The following ZNF536 variants were observed in gnomAD, a reference collection of about 807,000 sequenced individuals.
ZNF536 encodes zinc finger protein 536.
A neutral mutation model predicts 84.5 loss-of-function variants in ZNF536; 13 were observed. That is an observed-to-expected ratio of 0.15 (90% CI 0.10 to 0.24). The LOEUF is 0.24. ZNF536 is among the 10% of genes least tolerant of loss of function. ZNF536 has a pLI of 1.00. For synonymous variants in ZNF536, 811 were observed against 742.5 expected (o/e 1.09, Z -1.50); for missense variants, 1,536 against 1,747.5 (o/e 0.88, Z 2.16).
chr19:30,494,200 ACAGACAGACAAGG>A (rs1360609869), intron 2 of ZNF536, among the ~76,000 whole-genome samples: 5 of 152,200 alleles, frequency 3.3e-5, no homozygotes, highest in African/African-American at 1.2e-4. Flanking sequence ...GGAAATCTGC[ACAGACAGACAAGG>A]CAGACAGAGA....
At chr19:30,491,650 A>G (rs1389299441) in intron 2 of ZNF536, among the ~76,000 whole-genome samples, 1 of 152,170 alleles carries the variant, frequency 6.6e-6, no homozygotes, top group Non-Finnish European at 1.5e-5. Context: ...CCTGAATAGC[A>G]TGGAGACCTG....
At chr19:30,559,256 G>C (rs2046072233), downstream of ZNF536, among the ~76,000 whole-genome samples, 1 of 152,194 alleles carries the variant, frequency 6.6e-6, no homozygotes, top group African/African-American at 2.4e-5. Context: ...CACATACCAT[G>C]GGTTCCTTTG....
chr19:30,363,511 G>A (rs1232888590), intron 3 of ZNF536, among the ~76,000 whole-genome samples: 2 of 151,962 alleles, frequency 1.3e-5, no homozygotes, highest in Non-Finnish European at 2.9e-5. Context: ...TACTCTACCC[G>A]GAACCACCAT....
In ZNF536 at chr19:30,451,770, C is replaced by T. The variant is rs181918834; in HGVS notation, c.2170+6038C>T. ...GGACACCGCTGTTGCCTGGGCTGCC[C>T]TTCTGTTTCCAACACTCCTGCCCAC... is the stretch of plus-strand genomic sequence containing the variant. On this transcript the variant is annotated intron_variant, in intron 2 of 4. Coordinates refer to ENST00000355537, the MANE Select transcript of ZNF536 (RefSeq NM_014717.3). Among the ~76,000 whole-genome samples, 193 of 152,322 alleles carry T rather than the reference C, an allele frequency of 1.3e-3. 2 individuals carry two copies. The highest frequency in any genetic ancestry group is 4.6e-3 in the African/African-American group (191 of 41,570).
intron 1 of ZNF536, among the ~76,000 whole-genome samples, chr19:30,699,538 AT>A (rs773241816): frequency 2.6e-5 from 4 of 152,162 alleles, no homozygotes; most frequent in Admixed American, 1.3e-4. Context: ...ATGGATGAAT[AT>A]TTTTTTAAAA....
chr19:30,244,705 A>G (rs984067645), intron 1 of ZNF536, among the ~76,000 whole-genome samples: 3 of 152,130 alleles, frequency 2.0e-5, no homozygotes, highest in African/African-American at 4.8e-5. Flanking sequence ...CACCCTCTGG[A>G]TGCTTCTCCC....
chr19:30,383,948 C>A (rs1376913526), intron 1 of ZNF536, among the ~76,000 whole-genome samples: 1 of 80,656 alleles, frequency 1.2e-5, no homozygotes, highest in Admixed American at 1.4e-4. Context: ...CCCTCCCCTC[C>A]CCTCCCCTCC....
intron 2 of ZNF536, among the ~76,000 whole-genome samples, chr19:30,528,666 G>A (rs370488180): frequency 8.5e-5 from 13 of 152,124 alleles, no homozygotes; most frequent in East Asian, 1.9e-4. Context: ...CAACCTTTGC[G>A]TTGCAAGGTC....
chr19:30,331,090 T>C (rs2047195634), intron 2 of ZNF536, among the ~76,000 whole-genome samples: 1 of 151,912 alleles, frequency 6.6e-6, no homozygotes, highest in Non-Finnish European at 1.5e-5. Flanking sequence ...AAGGTCAGTC[T>C]GGGCAACATA....
At chr19:30,474,539 C>G (rs900658707) in intron 2 of ZNF536, among the ~76,000 whole-genome samples, 1 of 152,152 alleles carries the variant, frequency 6.6e-6, no homozygotes, top group African/African-American at 2.4e-5. Flanking sequence ...TGAACTCCCC[C>G]AACCCCTCCC....
At chr19:30,703,960 A>C (rs2052109642) in intron 1 of ZNF536, among the ~76,000 whole-genome samples, 1 of 152,178 alleles carries the variant, frequency 6.6e-6, no homozygotes, top group Non-Finnish European at 1.5e-5. Context: ...AGCCTTACAA[A>C]AGAGGGAAGC....
intron 1 of ZNF536, among the ~76,000 whole-genome samples, chr19:30,681,890 G>A (rs2050986328): frequency 2.0e-5 from 3 of 152,168 alleles, no homozygotes; most frequent in Admixed American, 6.5e-5. Flanking sequence ...CCCAGCCAAC[G>A]TGGGCTCCAA....
chr19:30,451,784 ACT>A (rs1390197829), intron 2 of ZNF536, among the ~76,000 whole-genome samples: 1 of 151,684 alleles, frequency 6.6e-6, no homozygotes, highest in Non-Finnish European at 1.5e-5. Context: ...TGTTTCCAAC[ACT>A]CCTGCCCACG....
intron 1 of ZNF536, among the ~76,000 whole-genome samples, chr19:30,434,336 C>A (rs2051612665): frequency 6.6e-6 from 1 of 152,202 alleles, no homozygotes; most frequent in South Asian, 2.1e-4. Flanking sequence ...CCATGTCTGC[C>A]CCACTTGATT....
At position 30,549,513 on chromosome 19, in the gene ZNF536, T is replaced by C; in HGVS notation, c.3894T>C (p.Cys1298=). 1.5e-5 allele frequency: 22 copies of C among 1,507,864 alleles called. No homozygotes were observed. Among genetic ancestry groups the C allele is most frequent in the Non-Finnish European group, 1.9e-5 (21 of 1,128,652 alleles). 93.4% of individuals were successfully genotyped at this position (1,507,864 alleles called of 1,614,324 possible). A position where few individuals can be genotyped will look rare whatever the true frequency, so the allele number is the denominator to read the frequency against. Residue 1298 remains cysteine (C), a splice_region_variant and synonymous_variant, in exon 4 of 5, where the codon TGT becomes TGC. Transcript: ENST00000355537. The part of the protein sequence containing the change: ...NSGCIKRPDL[C]GK ...GATGTATCAAGAGGCCAGACTTGTGTGGTAAGTTTTAGAATCCTCTTCCTA... is the reference window on the plus strand; with the variant it reads ...GATGTATCAAGAGGCCAGACTTGTGCGGTAAGTTTTAGAATCCTCTTCCTA...
At chr19:30,483,742 A>T (rs2054182735) in intron 2 of ZNF536, among the ~76,000 whole-genome samples, 2 of 151,956 alleles carry the variant, frequency 1.3e-5, no homozygotes, top group South Asian at 4.2e-4. Context: ...CTAAAAGCCA[A>T]CCTGATCATG....
At chr19:30,475,552 C>T (rs2053810635) in intron 2 of ZNF536, among the ~76,000 whole-genome samples, 1 of 152,174 alleles carries the variant, frequency 6.6e-6, no homozygotes, top group Non-Finnish European at 1.5e-5. Context: ...TTAAGTTATT[C>T]CCTCCCCTTT....
intron 1 of ZNF536, among the ~76,000 whole-genome samples, chr19:30,613,037 T>G (rs917139209): frequency 1.3e-5 from 2 of 152,226 alleles, no homozygotes; most frequent in African/African-American, 4.8e-5. Context: ...GTTTGGATAT[T>G]TGCCTGCTAT....
chr19:30,392,270 C>A (rs1222160500), intron 1 of ZNF536, among the ~76,000 whole-genome samples: 1 of 152,112 alleles, frequency 6.6e-6, no homozygotes, highest in African/African-American at 2.4e-5. Context: ...CCACAGATCC[C>A]CTGGGGCGAG....
Sources: gnomAD v4.1 joint callset for allele counts (sites outside exome capture counted in the v4.1 genomes callset) on GRCh38, gnomAD v4.1.1 for gene constraint, MANE v1.5 for transcripts, NCBI Gene and HGNC (gene_info 2026-07-23, HGNC 2026-07-21) for gene names.